Variants in ZNF33A observed in about 807,000 individuals in gnomAD.
The protein encoded by ZNF33A is brain my041 protein.
A neutral mutation model predicts 15.9 loss-of-function variants in ZNF33A; 9 were observed. The observed-to-expected ratio is 0.57, with a 90% CI of 0.34 to 0.99. The LOEUF is 0.99. ZNF33A is among the 50% of genes least tolerant of loss of function. The probability of loss-of-function intolerance (pLI) is 0.02; values close to 1 mark genes in which losing one functional copy is unlikely to be tolerated. For synonymous variants in ZNF33A, 294 were observed against 324.2 expected (o/e 0.91, Z 1.00); for missense variants, 843 against 941.6 (o/e 0.90, Z 1.37).
chr10:38,033,434 A>C (rs1332825000), intron 4 of ZNF33A, among the ~76,000 whole-genome samples: 1 of 152,184 alleles, frequency 6.6e-6, no homozygotes, highest in East Asian at 1.9e-4. Context: ...ATAAGTTTTC[A>C]CATGGACATG....
chr10:38,054,973 C>G lies in ZNF33A; in HGVS notation c.849C>G (p.Phe283Leu), dbSNP rs768689571. 6 of 1,614,086 alleles carry G rather than the reference C, an allele frequency of 3.7e-6. No individual in the cohort carries two copies. Among genetic ancestry groups the G allele is most frequent in the Middle Eastern group, 1.7e-4 (1 of 6,060 alleles). ...ATGAATTTAGTGATTGTGAGAAGTT[C>G]TTATGTGTGAAGTCCACCCTTTCTA... Reference protein sequence around the residue: ...NHYEFSDCEKFLCVKSTLSKP... With the variant: ...NHYEFSDCEKLLCVKSTLSKP... Residue 283 changes from phenylalanine to leucine, a missense_variant, in exon 5 of 5, where the codon TTC becomes TTG. By Grantham distance (22) the Phe-to-Leu change is conservative. Coordinates refer to ENST00000432900, the MANE Select transcript of ZNF33A (RefSeq NM_006954.2).
chr10:38,059,064 T>C lies in ZNF33A; in HGVS notation c.*2504T>C, dbSNP rs2066599109. Reference sequence around the variant, plus strand: ...AGGAATGCAAGGCTTGTTCAACATTTGATATTCAGTGTAATCCATTGCATG... The same window carrying C: ...AGGAATGCAAGGCTTGTTCAACATTCGATATTCAGTGTAATCCATTGCATG... On this transcript the variant is annotated 3_prime_UTR_variant, in exon 5 of 5. Transcript: ENST00000432900. 1 of 152,212 alleles carries C rather than the reference T, an allele frequency of 6.6e-6. No individual in the cohort carries two copies. The highest frequency in any genetic ancestry group is 2.4e-5 in the African/African-American group (1 of 41,452). The allele number at this position is 152,212 out of a possible 1,614,324, so 9.4% of individuals were successfully genotyped here.
At chr10:38,048,896 A>G (rs1349222976) in intron 4 of ZNF33A, among the ~76,000 whole-genome samples, 1 of 152,148 alleles carries the variant, frequency 6.6e-6, no homozygotes, top group Non-Finnish European at 1.5e-5. Flanking sequence ...ACTTAACCCT[A>G]AATAACTTAA....
rs371076191 is a variant in ZNF33A at position 38,056,010 on chromosome 10, G to T, written c.1886G>T (p.Arg629Ile). Residue 629 changes from arginine to isoleucine, a missense_variant, in exon 5 of 5, where the codon AGA becomes ATA. By Grantham distance (97) the Arg-to-Ile change is moderately conservative. Transcript: ENST00000432900. ...AAGTCACAACTCACTCAGCATCAGA[G>T]AATTCACATAGGGGAGAAACCCTAT... ...YQKSQLTQHQ[R>I]IHIGEKPYKC... 1 of 1,614,078 alleles carries T rather than the reference G, an allele frequency of 6.2e-7. No individual in the cohort carries two copies. Among genetic ancestry groups the T allele is most frequent in the Non-Finnish European group, 8.5e-7 (1 of 1,180,004 alleles).
At chr10:38,037,771 A>G (rs987347575) in intron 4 of ZNF33A, among the ~76,000 whole-genome samples, 1 of 152,158 alleles carries the variant, frequency 6.6e-6, no homozygotes, top group African/African-American at 2.4e-5. Context: ...TGATTATTGT[A>G]ATTTTGTAGC....
chr10:38,056,114 C>T lies in ZNF33A; in HGVS notation c.1990C>T (p.Pro664Ser), dbSNP rs1196497561. 6.2e-7 allele frequency: 1 copy of T among 1,613,892 alleles called. No individual in the cohort carries two copies. The change falls in exon 5 of 5, where the codon CCC (proline) becomes TCC (serine). Residue 664 changes from proline (P) to serine (S), a missense_variant. Coordinates refer to ENST00000432900, the MANE Select transcript of ZNF33A (RefSeq NM_006954.2). ...VHQRTHTQEK[P>S]YKCNECGKSF... Reference sequence around the variant, plus strand: ...TCAGAGAACCCATACACAAGAAAAGCCCTATAAATGTAATGAATGTGGAAA... The same window carrying T: ...TCAGAGAACCCATACACAAGAAAAGTCCTATAAATGTAATGAATGTGGAAA...
Position 38,055,559 on chromosome 10 carries a change from A to T in ZNF33A, c.1435A>T (p.Ser479Cys), listed in dbSNP as rs2066433477. The change falls in exon 5 of 5, where the codon AGT (serine) becomes TGT (cysteine). Residue 479 changes from serine to cysteine, a missense_variant. Coordinates refer to ENST00000432900, the MANE Select transcript of ZNF33A (RefSeq NM_006954.2). ...ATGTCTTGAGTGTGGGAAATCCTTT[A>T]GTGAAAAGTCAAATCTTACACAGCA... ...FECLECGKSF[S>C]EKSNLTQHQR... 2 of 1,614,118 alleles carry T rather than the reference A, an allele frequency of 1.2e-6. No homozygotes were observed. Among genetic ancestry groups the T allele is most frequent in the Non-Finnish European group, 1.7e-6 (2 of 1,180,006 alleles).
chr10:38,035,619 C>T (rs1047363125), intron 4 of ZNF33A, among the ~76,000 whole-genome samples: 42 of 152,088 alleles, frequency 2.8e-4, no homozygotes, highest in African/African-American at 9.9e-4. Context: ...GAAAGGGGTC[C>T]TTCATTGATA....
At chr10:38,029,453 G>T (rs1422473082) in intron 4 of ZNF33A, among the ~76,000 whole-genome samples, 2 of 152,176 alleles carry the variant, frequency 1.3e-5, no homozygotes, top group African/African-American at 4.8e-5. Flanking sequence ...AAGTAAAAAT[G>T]CCACAAAACT....
At chr10:38,045,426 T>G (rs557764722) in intron 4 of ZNF33A, among the ~76,000 whole-genome samples, 1 of 152,336 alleles carries the variant, frequency 6.6e-6, no homozygotes, top group Admixed American at 6.5e-5. Context: ...ATTGCTCTAT[T>G]GTTTTCAACA....
chr10:38,013,401 AC>A (rs1022282039), intron 2 of ZNF33A, among the ~76,000 whole-genome samples: 2 of 151,068 alleles, frequency 1.3e-5, no homozygotes, highest in African/African-American at 2.4e-5. Context: ...GAGCCACTGC[AC>A]CCAGCCGGTA....
At chr10:38,040,293 T>C (rs1337425884) in intron 4 of ZNF33A, among the ~76,000 whole-genome samples, 2 of 152,170 alleles carry the variant, frequency 1.3e-5, no homozygotes, top group African/African-American at 2.4e-5. Context: ...GAATGTTCTG[T>C]CTATATCTCT....
At chr10:38,011,243 GT>G (rs1205957057) in intron 1 of ZNF33A, among the ~76,000 whole-genome samples, 1 of 152,210 alleles carries the variant, frequency 6.6e-6, no homozygotes, top group African/African-American at 2.4e-5. Flanking sequence ...GGTATTTGCT[GT>G]TCCTCTGTCC....
intron 2 of ZNF33A, among the ~76,000 whole-genome samples, chr10:38,015,720 C>G (rs2064422309): frequency 6.6e-6 from 1 of 152,174 alleles, no homozygotes; most frequent in Non-Finnish European, 1.5e-5. Flanking sequence ...GCCCTAGTAT[C>G]TGGGCAGCTG....
At chr10:38,052,720 A>C (rs2066261123) in intron 4 of ZNF33A, among the ~76,000 whole-genome samples, 1 of 152,106 alleles carries the variant, frequency 6.6e-6, no homozygotes, top group African/African-American at 2.4e-5. Flanking sequence ...ACCTGATTTC[A>C]AGACTCAAAG....
downstream of ZNF33A, chr10:38,064,048 A>G: frequency 1.3e-6 from 2 of 1,589,012 alleles, no homozygotes; most frequent in South Asian, 1.1e-5. Context: ...TACGACAGAC[A>G]TTTTCAAATA....
chr10:38,067,549 CT>C (rs1327704191), downstream of ZNF33A, among the ~76,000 whole-genome samples: 1 of 152,186 alleles, frequency 6.6e-6, no homozygotes, highest in Non-Finnish European at 1.5e-5. Context: ...GGATTCACAT[CT>C]GTGATTCAGT....
chr10:38,024,240 G>C (rs538427137), intron 4 of ZNF33A, among the ~76,000 whole-genome samples: 27 of 148,650 alleles, frequency 1.8e-4, no homozygotes, highest in African/African-American at 6.5e-4. Context: ...CAGGATCCAA[G>C]ATGAACACAT....
intron 1 of ZNF33A, among the ~76,000 whole-genome samples, 184 bp from the exon 2 acceptor site, chr10:38,012,114 C>T (rs1258499929): frequency 2.6e-5 from 4 of 152,126 alleles, no homozygotes; most frequent in African/African-American, 4.8e-5. Context: ...CCATTTCTAC[C>T]GCCTATTCCG....
Sources: allele counts gnomAD v4.1 joint callset (sites outside exome capture counted in the v4.1 genomes callset), GRCh38; gene constraint gnomAD v4.1.1; transcripts MANE v1.5; gene names NCBI Gene and HGNC (gene_info 2026-07-23, HGNC 2026-07-21).